Variants in ERI3 observed in about 807,000 individuals in gnomAD.
ERI3 encodes the protein ERI1 exoribonuclease 3.
A neutral mutation model predicts 44.4 loss-of-function variants in ERI3; 18 were observed. That is an observed-to-expected ratio of 0.41 (90% CI 0.28 to 0.60). ERI3 has a LOEUF of 0.60. ERI3 is among the 20% of genes least tolerant of loss of function. ERI3 has a pLI of 0.36. For missense variants in ERI3, 294 were observed against 435.5 expected (o/e 0.68, Z 2.89); for synonymous variants, 183 against 164.8 (o/e 1.11, Z -0.84).
intron 7 of ERI3, among the ~76,000 whole-genome samples, chr1:44,259,689 G>GACACACACACACACACACACACACAC (rs58901342): frequency 2.2e-4 from 31 of 140,280 alleles, no homozygotes; most frequent in African/African-American, 7.2e-4. Context: ...AAAACACACA[G>GACACACACACACACACACACACACAC]ACACACACAC....
At chr1:44,336,256 C>T (rs745799717) in intron 3 of ERI3, among the ~76,000 whole-genome samples, 3 of 152,188 alleles carry the variant, frequency 2.0e-5, no homozygotes, top group Non-Finnish European at 4.4e-5. Flanking sequence ...GGACTGACAA[C>T]TTCTCCAATC....
chr1:44,299,727 G>T (rs1213654864), intron 6 of ERI3, among the ~76,000 whole-genome samples: 1 of 152,044 alleles, frequency 6.6e-6, no homozygotes, highest in African/African-American at 2.4e-5. Flanking sequence ...TAGAGCCCGG[G>T]TCCCCCACCT....
Position 44,228,993 on chromosome 1 carries a change from A to AC in ERI3, c.932-7354_932-7353insG, listed in dbSNP as rs1644113884. On this transcript the variant is annotated intron_variant, in intron 8 of 8. Coordinates refer to ENST00000372257, the MANE Select transcript of ERI3 (RefSeq NM_024066.3). The surrounding 1 kb of genome is among the most constrained non-coding windows in gnomAD (Gnocchi z 4.3). The stretch of plus-strand genomic sequence containing the variant: ...CGTTGGGCAGCCAGGGAGGTCCACA[A>AC]GAGGAGGTGGAGGGTGAATCCCACC... Among the ~76,000 whole-genome samples the AC allele has an allele frequency of 2.6e-5, 4 of 152,188 alleles. No individual in the cohort carries two copies. In the South Asian group the frequency reaches 8.3e-4, roughly 32 times the overall value.
At chr1:44,318,256 G>C (rs1646130945) in intron 4 of ERI3, among the ~76,000 whole-genome samples, 1 of 152,170 alleles carries the variant, frequency 6.6e-6, no homozygotes, top group Non-Finnish European at 1.5e-5. Context: ...TAAAATTTGG[G>C]CCTGCCTGTC....
intron 7 of ERI3, among the ~76,000 whole-genome samples, chr1:44,270,047 C>G (rs556024440): frequency 1.3e-5 from 2 of 152,332 alleles, no homozygotes; most frequent in South Asian, 4.1e-4. Flanking sequence ...GAAGGCAGGA[C>G]TGTGCTTCTG....
At position 44,329,129 on chromosome 1, in the gene ERI3, T is replaced by A. The variant is rs776354543; in HGVS notation, c.490-9385A>T. ...AGAAAAAAACCTTCCTCTGTCCAGATGAACCAAAAAGCAGGACTGGGTACC... is the reference window on the plus strand; with the variant it reads ...AGAAAAAAACCTTCCTCTGTCCAGAAGAACCAAAAAGCAGGACTGGGTACC... On this transcript the variant is annotated intron_variant, in intron 3 of 8. Coordinates refer to ENST00000372257, the MANE Select transcript of ERI3 (RefSeq NM_024066.3). Among the ~76,000 whole-genome samples, 7 of 152,274 alleles carry A rather than the reference T, an allele frequency of 4.6e-5. No homozygotes were observed. The South Asian group carries it at 8.3e-4, about 18-fold the overall frequency.
chr1:44,316,554 T>G (rs1030233767), intron 4 of ERI3, among the ~76,000 whole-genome samples: 1 of 152,206 alleles, frequency 6.6e-6, no homozygotes, highest in Non-Finnish European at 1.5e-5. Flanking sequence ...CAGCATCCAG[T>G]GCTTTCTCCT....
chr1:44,268,704 C>T (rs1645035242), intron 7 of ERI3, among the ~76,000 whole-genome samples: 1 of 152,156 alleles, frequency 6.6e-6, no homozygotes, highest in South Asian at 2.1e-4. Context: ...TGAATGTGAA[C>T]ACACATCCAG....
chr1:44,293,650 G>A (rs1229658921), intron 6 of ERI3, among the ~76,000 whole-genome samples: 1 of 152,230 alleles, frequency 6.6e-6, no homozygotes, highest in Non-Finnish European at 1.5e-5. Flanking sequence ...TAAAGGAATG[G>A]AGGATGAGAG....
intron 6 of ERI3, among the ~76,000 whole-genome samples, chr1:44,287,273 T>G (rs1242363437): frequency 6.6e-6 from 1 of 152,136 alleles, no homozygotes; most frequent in Non-Finnish European, 1.5e-5. Flanking sequence ...GAGTGAGAGA[T>G]AAGACAGCGG....
chr1:44,248,702 A>AGTGTGTGTGTGT lies in ERI3; in HGVS notation c.832-676_832-665dup, dbSNP rs143570480. ...GTGTGTATGTATGTGTGTGAGAGAG[A>AGTGTGTGTGTGT]GTGTGTGTGTGTGTGTGTGTGTGTG... On this transcript the variant is annotated intron_variant, in intron 7 of 8. Coordinates refer to ENST00000372257, the MANE Select transcript of ERI3 (RefSeq NM_024066.3). 7.6e-3 allele frequency among the ~76,000 whole-genome samples: 1,122 copies of AGTGTGTGTGTGT among 148,450 alleles called. 9 individuals carry two copies. Among genetic ancestry groups the AGTGTGTGTGTGT allele is most frequent in the South Asian group, 0.02 (92 of 4,646 alleles).
chr1:44,326,872 G>A lies in ERI3; in HGVS notation c.490-7128C>T, dbSNP rs186430180. ...TTCTTTATTTGAGGAGAGTATGGGTGCAAAGTGAATTATAATTTACCCTTA... is the reference window on the plus strand; with the variant it reads ...TTCTTTATTTGAGGAGAGTATGGGTACAAAGTGAATTATAATTTACCCTTA... On this transcript the variant is annotated intron_variant, in intron 3 of 8. Coordinates refer to ENST00000372257, the MANE Select transcript of ERI3 (RefSeq NM_024066.3). Among the ~76,000 whole-genome samples the A allele has an allele frequency of 1.9e-3, 292 of 152,314 alleles. 2 individuals are homozygous for A. Among genetic ancestry groups the A allele is most frequent in the African/African-American group, 6.6e-3 (273 of 41,558 alleles).
Position 44,247,930 on chromosome 1 carries a change from G to A in ERI3, c.931+9C>T. On this transcript the variant is annotated intron_variant, in intron 8 of 8. Coordinates refer to ENST00000372257, the MANE Select transcript of ERI3 (RefSeq NM_024066.3). ...TGGAGCTGCCGGGGGAATATGCGAA[G>A]GGACTGACCAATGCCGCTGTGGGGC... 6.2e-7 allele frequency: 1 copy of A among 1,606,470 alleles called. No individual in the cohort carries two copies. The highest frequency in any genetic ancestry group is 1.7e-4 in the Middle Eastern group (1 of 6,050).
At chr1:44,315,138 C>A (rs1646060172) in intron 4 of ERI3, among the ~76,000 whole-genome samples, 1 of 152,250 alleles carries the variant, frequency 6.6e-6, no homozygotes, top group Admixed American at 6.5e-5. Context: ...GGACCACAGC[C>A]ACTCTCACTT....
intron 3 of ERI3, among the ~76,000 whole-genome samples, chr1:44,327,656 C>T (rs535446240): frequency 6.6e-6 from 1 of 152,306 alleles, no homozygotes; most frequent in African/African-American, 2.4e-5. Flanking sequence ...CTTTTAACTA[C>T]TATGCTCTAC....
In ERI3 at chr1:44,235,266, A is replaced by G. The variant is rs1488262008; in HGVS notation, c.931+12673T>C. On this transcript the variant is annotated intron_variant, in intron 8 of 8. Coordinates refer to ENST00000372257, the MANE Select transcript of ERI3 (RefSeq NM_024066.3). This position sits in a 1 kb window ranked among gnomAD's most constrained non-coding sequence, Gnocchi z 4.6. Reference sequence around the variant, plus strand: ...CTCATCAGTCCCACTCCCCTGTTGTACAGCCAAATTCAGGCTCATTTGCAC... The same window carrying G: ...CTCATCAGTCCCACTCCCCTGTTGTGCAGCCAAATTCAGGCTCATTTGCAC... Among the ~76,000 whole-genome samples the G allele has an allele frequency of 2.0e-5, 3 of 152,154 alleles. No homozygotes were observed. Among genetic ancestry groups the G allele is most frequent in the Non-Finnish European group, 4.4e-5 (3 of 68,030 alleles).
At chr1:44,227,013 A>G (rs1053929073) in intron 8 of ERI3, among the ~76,000 whole-genome samples, 1 of 152,194 alleles carries the variant, frequency 6.6e-6, no homozygotes, top group African/African-American at 2.4e-5. Context: ...TATCACATAT[A>G]CAATTCCCAT....
At chr1:44,234,879 A>G (rs1644268543) in intron 8 of ERI3, among the ~76,000 whole-genome samples, 1 of 151,960 alleles carries the variant, frequency 6.6e-6, no homozygotes, top group South Asian at 2.1e-4. Flanking sequence ...AGTAGCTGGG[A>G]TTACACGCGT....
Position 44,240,940 on chromosome 1 carries a change from T to A in ERI3, c.931+6999A>T, listed in dbSNP as rs375639053. Among the ~76,000 whole-genome samples, 5 of 152,060 alleles carry A rather than the reference T, an allele frequency of 3.3e-5. No homozygotes were observed. The East Asian group carries it at 7.7e-4, about 24-fold the overall frequency. On this transcript the variant is annotated intron_variant, in intron 8 of 8. Coordinates refer to ENST00000372257, the MANE Select transcript of ERI3 (RefSeq NM_024066.3). ...AGGGATGTCCCACAGTAGCTGCAGG[T>A]GGAAGGGCAGGGCCCAGCTTAAGGA... is the stretch of plus-strand genomic sequence containing the variant.
Sources: allele counts gnomAD v4.1 joint callset (sites outside exome capture counted in the v4.1 genomes callset), GRCh38; gene constraint gnomAD v4.1.1; non-coding constraint Gnocchi (gnomAD v3.1); transcripts MANE v1.5; gene names NCBI Gene and HGNC (gene_info 2026-07-23, HGNC 2026-07-21).